Variants in MAS1 observed in about 807,000 individuals in gnomAD.
MAS1 encodes the protein proto-oncogene Mas.
For missense variants in MAS1, 387 were observed against 409.7 expected (o/e 0.94, Z 0.48); for synonymous variants, 163 against 164.2 (o/e 0.99, Z 0.05).
chr6:159,898,364 G>A (rs1448693082), intron 1 of MAS1, among the ~76,000 whole-genome samples: 1 of 152,132 alleles, frequency 6.6e-6, no homozygotes, highest in Non-Finnish European at 1.5e-5. Flanking sequence ...TCCGGGCTAA[G>A]ATCAGGCACG....
chr6:159,917,291 G>T lies in MAS1; in HGVS notation c.*9358G>T, dbSNP rs937661991. On this transcript the variant is annotated 3_prime_UTR_variant, in exon 3 of 3. Coordinates refer to ENST00000674077, the MANE Select transcript of MAS1 (RefSeq NM_002377.4). Reference sequence around the variant, plus strand: ...AATCACAAGGAGATTTAAAAAACGAGAGATTTTCTGTAGTAAGTACATTGC... The same window carrying T: ...AATCACAAGGAGATTTAAAAAACGATAGATTTTCTGTAGTAAGTACATTGC... Among the ~76,000 whole-genome samples the T allele has an allele frequency of 2.0e-5, 3 of 152,196 alleles. No homozygotes were observed. The highest frequency in any genetic ancestry group is 7.2e-5 in the African/African-American group (3 of 41,436).
Position 159,913,376 on chromosome 6 carries a change from A to G in MAS1, c.*5443A>G, listed in dbSNP as rs1303290255. On this transcript the variant is annotated 3_prime_UTR_variant, in exon 3 of 3. Coordinates refer to ENST00000674077, the MANE Select transcript of MAS1 (RefSeq NM_002377.4). ...AGACTCCGTCTCAAAAAAAAGAAAAATTATGCCAAAAAATTAAGTACTTTT... is the reference window on the plus strand; with the variant it reads ...AGACTCCGTCTCAAAAAAAAGAAAAGTTATGCCAAAAAATTAAGTACTTTT... The G allele has an allele frequency of 6.6e-6, 1 of 152,224 alleles. No homozygotes were observed. The highest frequency in any genetic ancestry group is 6.5e-5 in the Admixed American group (1 of 15,288). 9.4% of individuals were successfully genotyped at this position (152,224 alleles called of 1,614,324 possible). A position where few individuals can be genotyped will look rare whatever the true frequency, so the allele number is the denominator to read the frequency against.
intron 1 of MAS1, among the ~76,000 whole-genome samples, chr6:159,894,030 G>C (rs1218850228): frequency 3.3e-5 from 5 of 152,210 alleles, no homozygotes; most frequent in Admixed American, 1.3e-4. Flanking sequence ...TCTGCCACCT[G>C]ATGAGGCTCA....
At chr6:159,897,200 A>G (rs1782764420) in intron 1 of MAS1, among the ~76,000 whole-genome samples, 1 of 151,968 alleles carries the variant, frequency 6.6e-6, no homozygotes, top group African/African-American at 2.4e-5. Flanking sequence ...TTTAAGGATA[A>G]TTTGGTGTGT....
rs764575392 is a variant in MAS1, at chr6:159,914,908, C to T, written c.*6975C>T. 1 of 152,262 alleles carries T rather than the reference C, an allele frequency of 6.6e-6. No homozygotes were observed. The highest frequency in any genetic ancestry group is 1.5e-5 in the Non-Finnish European group (1 of 68,068). The allele number at this position is 152,262 out of a possible 1,614,324, so 9.4% of individuals were successfully genotyped here. ...ATCTAGAGACATTCTCTGAGTGACA[C>T]TATGCCAGCTGGGAGTGGTGGCACA... On this transcript the variant is annotated 3_prime_UTR_variant, in exon 3 of 3. Coordinates refer to ENST00000674077, the MANE Select transcript of MAS1 (RefSeq NM_002377.4).
intron 1 of MAS1, among the ~76,000 whole-genome samples, chr6:159,892,743 T>TC (rs1227015699): frequency 1.3e-5 from 2 of 152,146 alleles, no homozygotes; most frequent in African/African-American, 4.8e-5. Flanking sequence ...GGACACAGGC[T>TC]CTGCAAAGCC....
upstream of MAS1, among the ~76,000 whole-genome samples, chr6:159,889,148 C>G (rs548789792): frequency 5.1e-4 from 78 of 152,318 alleles, no homozygotes; most frequent in African/African-American, 1.8e-3. Context: ...ATCGGGCCAC[C>G]CTGGCTTCCT....
chr6:159,889,992 C>G (rs1370463959), upstream of MAS1, among the ~76,000 whole-genome samples: 1 of 152,150 alleles, frequency 6.6e-6, no homozygotes, highest in Admixed American at 6.5e-5. Flanking sequence ...CCTTCTTACC[C>G]CTTTTGATAT....
rs150024065 is a variant in MAS1 at position 159,917,198 on chromosome 6, C to T, written c.*9265C>T. Among the ~76,000 whole-genome samples, 9 of 152,260 alleles carry T rather than the reference C, an allele frequency of 5.9e-5. No homozygotes were observed. The highest frequency in any genetic ancestry group is 5.8e-4 in the East Asian group (3 of 5,174). ...GGTGGATTTAACTTTGCAGAAGGAC[C>T]AGCAGACATCCTGACCCAAACCTGA... On this transcript the variant is annotated 3_prime_UTR_variant, in exon 3 of 3. Coordinates refer to ENST00000674077, the MANE Select transcript of MAS1 (RefSeq NM_002377.4).
chr6:159,898,200 T>C lies in MAS1; in HGVS notation c.-243-986T>C, dbSNP rs533530099. Among the ~76,000 whole-genome samples the C allele has an allele frequency of 1.1e-4, 17 of 151,972 alleles. No individual in the cohort carries two copies. In the South Asian group the frequency reaches 3.5e-3, roughly 32 times the overall value. ...AGCCACTCCACCCAGCCTAAACACGTCTTAATAAAAAATATTCCCTACAAT... is the reference window on the plus strand; with the variant it reads ...AGCCACTCCACCCAGCCTAAACACGCCTTAATAAAAAATATTCCCTACAAT... On this transcript the variant is annotated intron_variant, in intron 1 of 2. Coordinates refer to ENST00000674077, the MANE Select transcript of MAS1 (RefSeq NM_002377.4).
intron 1 of MAS1, among the ~76,000 whole-genome samples, chr6:159,895,235 G>A (rs1278588825): frequency 1.3e-5 from 2 of 152,118 alleles, no homozygotes; most frequent in Non-Finnish European, 2.9e-5. Flanking sequence ...TTGGACCTGG[G>A]GCAATCCAGG....
intron 2 of MAS1, chr6:159,906,540 T>A (rs1208004282): frequency 6.2e-6 from 1 of 160,928 alleles, no homozygotes; most frequent in Non-Finnish European, 1.4e-5. Flanking sequence ...GCACAGAAGA[T>A]GAAATGATTT....
intron 1 of MAS1, among the ~76,000 whole-genome samples, chr6:159,895,400 A>C (rs1398595461): frequency 6.6e-6 from 1 of 152,232 alleles, no homozygotes; most frequent in African/African-American, 2.4e-5. Flanking sequence ...GACTTTACCA[A>C]TAAGAAAGTG....
intron 2 of MAS1, chr6:159,906,706 T>C: frequency 2.4e-6 from 1 of 424,648 alleles, no homozygotes; most frequent in Non-Finnish European, 4.2e-6. Flanking sequence ...AGAAGGGTCA[T>C]TCAATCAGTT....
In MAS1 at chr6:159,915,416, C is replaced by T. The variant is rs9457770; in HGVS notation, c.*7483C>T. ...AATAGGACTAGTTCACTGAGTATAA[C>T]GTTTCTACAGAGCAGTCTGATTGAG... On this transcript the variant is annotated 3_prime_UTR_variant, in exon 3 of 3. Transcript: ENST00000674077. The T allele has an allele frequency of 5.4e-4, 83 of 152,312 alleles. No homozygotes were observed. Among genetic ancestry groups the T allele is most frequent in the African/African-American group, 1.9e-3 (81 of 41,558 alleles). 9.4% of individuals were successfully genotyped at this position (152,312 alleles called of 1,614,324 possible).
rs904204983 is a variant in MAS1, at chr6:159,908,565, T to C, written c.*632T>C. 1.4e-5 allele frequency: 2 copies of C among 145,792 alleles called. No homozygotes were observed. The highest frequency in any genetic ancestry group is 1.4e-4 in the Admixed American group (2 of 14,564). 9.0% of individuals were successfully genotyped at this position (145,792 alleles called of 1,614,324 possible). The stretch of plus-strand genomic sequence containing the variant: ...CACACAGCTCTATCATGTACAGAAG[T>C]TATTATGTGTTTTTACATGTTGAAT... On this transcript the variant is annotated 3_prime_UTR_variant, in exon 3 of 3. Coordinates refer to ENST00000674077, the MANE Select transcript of MAS1 (RefSeq NM_002377.4).
At chr6:159,902,463 G>T (rs1782833827) in intron 2 of MAS1, 1 of 152,242 alleles carries the variant, frequency 6.6e-6, no homozygotes, top group South Asian at 2.1e-4. Context: ...AAAAGAACAT[G>T]AAATACCTCA....
chr6:159,897,002 C>T (rs1195525921), intron 1 of MAS1, among the ~76,000 whole-genome samples: 1 of 152,152 alleles, frequency 6.6e-6, no homozygotes, highest in South Asian at 2.1e-4. Context: ...GCCTCCCAAG[C>T]AGCTGGGACT....
rs1782948196 is a variant in MAS1, at chr6:159,910,127, C to G, written c.*2194C>G. The stretch of plus-strand genomic sequence containing the variant: ...AATTTGCCTAAGTCATTGTAGGTTA[C>G]TAGGTGCCACTTCCGAGAATTCCTT... On this transcript the variant is annotated 3_prime_UTR_variant, in exon 3 of 3. Transcript: ENST00000674077. 1 of 152,210 alleles carries G rather than the reference C, an allele frequency of 6.6e-6. No homozygotes were observed. The allele number at this position is 152,210 out of a possible 1,614,324, so 9.4% of individuals were successfully genotyped here.
Sources: allele counts gnomAD v4.1 joint callset (sites outside exome capture counted in the v4.1 genomes callset), GRCh38; gene constraint gnomAD v4.1.1; transcripts MANE v1.5; gene names NCBI Gene and HGNC (gene_info 2026-07-23, HGNC 2026-07-21).